Variants in SYN3 observed in about 807,000 individuals in gnomAD.
SYN3 encodes the protein synapsin-3.
Under a neutral mutation model 65.8 loss-of-function variants are expected in SYN3, and 35 were observed. That is an observed-to-expected ratio of 0.53 (90% CI 0.41 to 0.70). SYN3 has a LOEUF of 0.70. SYN3 is among the 30% of genes least tolerant of loss of function. The probability of loss-of-function intolerance (pLI) is 0.00; values close to 1 mark genes in which losing one functional copy is unlikely to be tolerated. For synonymous variants in SYN3, 270 were observed against 292.9 expected, an observed-to-expected ratio of 0.92 and a Z score of 0.80; for missense variants, 680 against 749.0, an observed-to-expected ratio of 0.91 and a Z score of 1.08.
At chr22:33,042,223 G>C (rs2053976965) in intron 1 of SYN3, among the ~76,000 whole-genome samples, 2 of 152,100 alleles carry the variant, frequency 1.3e-5, no homozygotes, top group South Asian at 4.1e-4. Flanking sequence ...TCTTGTTTAA[G>C]CTACCCAGTC....
At chr22:32,614,500 A>G (rs2059488055) in intron 6 of SYN3, among the ~76,000 whole-genome samples, 1 of 152,082 alleles carries the variant, frequency 6.6e-6, no homozygotes, top group Admixed American at 6.5e-5. Flanking sequence ...ATTACACTAT[A>G]TTGGGGTCTC....
chr22:32,526,863 T>C (rs1462097983), intron 12 of SYN3, among the ~76,000 whole-genome samples: 1 of 152,212 alleles, frequency 6.6e-6, no homozygotes. Context: ...GCAGCGAGAC[T>C]GCCTGCTTTG....
At chr22:32,531,095 A>G (rs938888323) in intron 10 of SYN3, among the ~76,000 whole-genome samples, 9 of 148,790 alleles carry the variant, frequency 6.0e-5, no homozygotes, top group African/African-American at 2.0e-4. Context: ...GGCCCCGGAA[A>G]ACAGGCCTTT....
chr22:32,849,681 T>C, intron 6 of SYN3: 1 of 765,900 alleles, frequency 1.3e-6, no homozygotes, highest in Admixed American at 2.0e-5. Context: ...GAGAGGGAGC[T>C]GCTAAGGCTG....
chr22:32,792,454 A>G (rs1309311425), intron 6 of SYN3, among the ~76,000 whole-genome samples: 1 of 152,226 alleles, frequency 6.6e-6, no homozygotes, highest in East Asian at 1.9e-4. Flanking sequence ...TATTGCCTCA[A>G]TCTCATGTTT....
At chr22:32,581,255 G>A (rs549145046) in intron 7 of SYN3, among the ~76,000 whole-genome samples, 9 of 152,206 alleles carry the variant, frequency 5.9e-5, no homozygotes, top group African/African-American at 1.9e-4. Context: ...GACTACAGGC[G>A]CCCACCACCA....
At chr22:32,616,869 T>C (rs929188077) in intron 6 of SYN3, among the ~76,000 whole-genome samples, 1 of 152,296 alleles carries the variant, frequency 6.6e-6, no homozygotes, top group Non-Finnish European at 1.5e-5. Flanking sequence ...TGGGCTTTGC[T>C]GGTCATGCAG....
At chr22:32,864,741 G>A (rs1224762874) in intron 6 of SYN3, 174 bp downstream of exon 6, 5 of 583,718 alleles carry the variant, frequency 8.6e-6, no homozygotes, top group African/African-American at 1.8e-5. Flanking sequence ...CTGGAGAGAC[G>A]ACTTCCCTTA....
intron 9 of SYN3, among the ~76,000 whole-genome samples, chr22:32,535,621 G>T (rs544168198): frequency 6.6e-6 from 1 of 152,212 alleles, no homozygotes; most frequent in African/African-American, 2.4e-5. Flanking sequence ...TCAATGGAAC[G>T]TGGAAATTTG....
At position 33,006,663 on chromosome 22, in the gene SYN3, G is replaced by A. The variant is rs753898112; in HGVS notation, c.-1C>T. 1 of 1,567,336 alleles carries A rather than the reference G, an allele frequency of 6.4e-7. No individual in the cohort carries two copies. Among genetic ancestry groups the A allele is most frequent in the Non-Finnish European group, 8.7e-7 (1 of 1,155,972 alleles). On this transcript the variant is annotated 5_prime_UTR_variant, in exon 2 of 14. Transcript: ENST00000358763. ...AGAGACGTCGCCGGAGGAAATTCAT[G>A]GCTGTGGATGGATGGAGATGACTGG... is the stretch of plus-strand genomic sequence containing the variant.
intron 6 of SYN3, among the ~76,000 whole-genome samples, chr22:32,698,478 C>T (rs2060767825): frequency 6.6e-6 from 1 of 152,336 alleles, no homozygotes; most frequent in East Asian, 1.9e-4. Context: ...TTCATCCTTG[C>T]CCCAGATGTG....
At position 32,585,902 on chromosome 22, in the gene SYN3, AT is replaced by A. The variant is rs372187521; in HGVS notation, c.774+10771del. ...CATATATACGTATATATACGTATAT[AT>A]GTGTATGTATACATATATGTGTATA... On this transcript the variant is annotated intron_variant, in intron 7 of 13. Coordinates refer to ENST00000358763, the MANE Select transcript of SYN3 (RefSeq NM_003490.4). Among the ~76,000 whole-genome samples the A allele has an allele frequency of 1.2e-3, 75 of 61,890 alleles. No individual in the cohort carries two copies. The East Asian group carries it at 0.028, about 23-fold the overall frequency. 40.6% of individuals were successfully genotyped at this position (61,890 alleles called of 152,430 possible).
At chr22:32,996,576 T>A (rs1297861877) in intron 2 of SYN3, among the ~76,000 whole-genome samples, 2 of 152,146 alleles carry the variant, frequency 1.3e-5, no homozygotes, top group Non-Finnish European at 1.5e-5. Flanking sequence ...TCTTGAGTAT[T>A]ATCTTCTTTC....
rs143973165 is a variant in SYN3, at chr22:32,867,620, G to C, written c.621+1346C>G. ...TTTCTTTGAGATGGAGTCTTGCTCT[G>C]TCACCAGGCTGGAGCGCAGTGGCGC... is the stretch of plus-strand genomic sequence containing the variant. On this transcript the variant is annotated intron_variant, in intron 5 of 13. Transcript: ENST00000358763. Among the ~76,000 whole-genome samples the C allele has an allele frequency of 5.2e-3, 785 of 152,298 alleles. 5 individuals carry two copies. The highest frequency in any genetic ancestry group is 0.017 in the Middle Eastern group (5 of 294).
intron 6 of SYN3, among the ~76,000 whole-genome samples, chr22:32,805,818 C>G (rs1478985791): frequency 1.3e-5 from 2 of 151,942 alleles, no homozygotes; most frequent in Admixed American, 6.6e-5. Context: ...CTAAGGTGAC[C>G]AGGAGATGGA....
chr22:32,772,220 G>A (rs1238236893), intron 6 of SYN3, among the ~76,000 whole-genome samples: 1 of 151,856 alleles, frequency 6.6e-6, no homozygotes, highest in South Asian at 2.1e-4. Flanking sequence ...AAGAAATGCT[G>A]CAGATGTTGG....
At chr22:32,929,951 C>G (rs890261456) in intron 4 of SYN3, among the ~76,000 whole-genome samples, 1 of 152,142 alleles carries the variant, frequency 6.6e-6, no homozygotes, top group Non-Finnish European at 1.5e-5. Context: ...CACACCAACT[C>G]TTAGAAGGCC....
intron 3 of SYN3, among the ~76,000 whole-genome samples, chr22:32,973,272 T>C (rs747599677): frequency 7.0e-4 from 106 of 152,308 alleles, no homozygotes; most frequent in Non-Finnish European, 3.5e-4. Flanking sequence ...AAAACTTCTC[T>C]GGAAAGGTGC....
At chr22:32,913,469 T>TA (rs2050108366) in intron 4 of SYN3, among the ~76,000 whole-genome samples, 1 of 148,112 alleles carries the variant, frequency 6.8e-6, no homozygotes, top group African/African-American at 2.5e-5. Flanking sequence ...AGTCTATTAT[T>TA]TTTTTTTTTT....
Sources: gnomAD v4.1 joint callset for allele counts (sites outside exome capture counted in the v4.1 genomes callset) on GRCh38, gnomAD v4.1.1 for gene constraint, MANE v1.5 for transcripts, NCBI Gene and HGNC (gene_info 2026-07-23, HGNC 2026-07-21) for gene names.